Variants in SRBD1 observed in about 807,000 individuals in gnomAD.
The protein encoded by SRBD1 is S1 RNA binding domain 1, also known as S1 RNA-binding domain-containing protein 1.
Under a neutral mutation model 115.3 loss-of-function variants are expected in SRBD1, and 88 were observed. The observed-to-expected ratio is 0.76, with a 90% CI of 0.64 to 0.91. The LOEUF is 0.91. Among genes scored for constraint, SRBD1 ranks in the 40% least tolerant of loss-of-function variants. SRBD1 has a pLI of 0.00. For missense variants in SRBD1, 1,385 were observed against 1,177.4 expected, an observed-to-expected ratio of 1.18 and a Z score of -2.58; for synonymous variants, 509 against 407.7, an observed-to-expected ratio of 1.25 and a Z score of -2.99.
chr2:45,585,533 C>T (rs1041246854), intron 5 of SRBD1, 75 bp downstream of exon 5: 4 of 1,447,728 alleles, frequency 2.8e-6, no homozygotes, highest in East Asian at 2.3e-5. Flanking sequence ...TCAAATATAC[C>T]GTCATTCACT....
At chr2:45,584,142 CA>C (rs1673445685) in intron 5 of SRBD1, among the ~76,000 whole-genome samples, 1 of 152,138 alleles carries the variant, frequency 6.6e-6, no homozygotes, top group African/African-American at 2.4e-5. Flanking sequence ...TAGGTGTGGT[CA>C]AGAGTGGTTT....
rs143703340 is a variant in SRBD1 at position 45,405,075 on chromosome 2, T to A, written c.2513+8039A>T. Among the ~76,000 whole-genome samples the A allele has an allele frequency of 2.8e-3, 420 of 152,206 alleles. 1 individual carries two copies. The highest frequency in any genetic ancestry group is 4.8e-3 in the Non-Finnish European group (326 of 67,980). ...CCTTACCCACAATCCTGGCAATCCCTATTCCATTACTCTGCTCTTTCCCTG... is the reference window on the plus strand; with the variant it reads ...CCTTACCCACAATCCTGGCAATCCCAATTCCATTACTCTGCTCTTTCCCTG... On this transcript the variant is annotated intron_variant, in intron 19 of 20. Coordinates refer to ENST00000263736, the MANE Select transcript of SRBD1 (RefSeq NM_018079.5).
At chr2:45,421,343 T>C (rs1667993245) in intron 16 of SRBD1, among the ~76,000 whole-genome samples, 2 of 151,278 alleles carry the variant, frequency 1.3e-5, no homozygotes, top group Non-Finnish European at 2.9e-5. Context: ...CTGTCTCTAC[T>C]AAAAATACAA....
chr2:45,480,238 A>G (rs1384173741), intron 15 of SRBD1, among the ~76,000 whole-genome samples: 1 of 152,136 alleles, frequency 6.6e-6, no homozygotes, highest in Non-Finnish European at 1.5e-5. Flanking sequence ...TTTGACTTTC[A>G]AGTCTTATTT....
At position 45,599,485 on chromosome 2, in the gene SRBD1, A is replaced by G; in HGVS notation, c.612T>C (p.Thr204=). The change falls in exon 4 of 21, where the codon ACT becomes ACC. Residue 204 remains threonine, a synonymous_variant. Transcript: ENST00000263736. ...CCCAATTCATTTCCACCTCCTCTTT[A>G]GTACTATTGGCATTTGCTGGAAACT... The part of the protein sequence containing the change: ...PVKFPANANS[T]KEEVEMNWDM... The G allele has an allele frequency of 6.2e-7, 1 of 1,614,134 alleles. No individual in the cohort carries two copies. The highest frequency in any genetic ancestry group is 8.5e-7 in the Non-Finnish European group (1 of 1,180,004).
intron 14 of SRBD1, among the ~76,000 whole-genome samples, chr2:45,531,031 C>T (rs1389284254): frequency 6.6e-6 from 1 of 151,042 alleles, no homozygotes; most frequent in Non-Finnish European, 1.5e-5. Context: ...GCGTATACTG[C>T]TCCCTACACA....
chr2:45,392,163 C>T (rs1572584425), intron 20 of SRBD1, among the ~76,000 whole-genome samples: 1 of 152,242 alleles, frequency 6.6e-6, no homozygotes, highest in East Asian at 1.9e-4. Flanking sequence ...AGGAATAGTA[C>T]AATGAACTTG....
rs1305837952 is a variant in SRBD1 at position 45,605,485 on chromosome 2, T to C, written c.1-44A>G. 6 of 1,555,828 alleles carry C rather than the reference T, an allele frequency of 3.9e-6. No homozygotes were observed. The Middle Eastern group carries it at 6.7e-4, about 174-fold the overall frequency. ...AAAATCAGCAACACTTGAATATTCT[T>C]ATCACTTTATTTGGCTACAAGTAAT... On this transcript the variant is annotated intron_variant, in intron 1 of 20. Coordinates refer to ENST00000263736, the MANE Select transcript of SRBD1 (RefSeq NM_018079.5).
At chr2:45,611,028 G>C (rs962783739) in intron 1 of SRBD1, among the ~76,000 whole-genome samples, 191 bp downstream of exon 1, 1 of 152,232 alleles carries the variant, frequency 6.6e-6, no homozygotes, top group Non-Finnish European at 1.5e-5. Flanking sequence ...GTAGCTAGGA[G>C]GGGTTTTCGG....
chr2:45,408,424 C>T (rs1667499995), intron 19 of SRBD1, among the ~76,000 whole-genome samples: 1 of 152,180 alleles, frequency 6.6e-6, no homozygotes, highest in African/African-American at 2.4e-5. Flanking sequence ...AGGAGTTGGA[C>T]TGCAACAGAA....
chr2:45,593,677 TGAGA>T (rs1232446457), intron 4 of SRBD1, among the ~76,000 whole-genome samples: 1 of 152,214 alleles, frequency 6.6e-6, no homozygotes, highest in Admixed American at 6.5e-5. Flanking sequence ...TGAGTGAAAT[TGAGA>T]GAATTTTCTA....
chr2:45,606,719 T>C (rs1422030793), intron 1 of SRBD1, among the ~76,000 whole-genome samples: 1 of 152,132 alleles, frequency 6.6e-6, no homozygotes, highest in African/African-American at 2.4e-5. Context: ...GGAAAGTAAA[T>C]AAAATTACTT....
intron 4 of SRBD1, among the ~76,000 whole-genome samples, chr2:45,598,981 A>T (rs1273069394): frequency 6.6e-6 from 1 of 152,224 alleles, no homozygotes; most frequent in Non-Finnish European, 1.5e-5. Flanking sequence ...TAATTCTGGC[A>T]TCTCAAGTTG....
chr2:45,475,118 C>T (rs572740624), intron 16 of SRBD1, among the ~76,000 whole-genome samples: 2 of 152,224 alleles, frequency 1.3e-5, no homozygotes, highest in East Asian at 1.9e-4. Context: ...CTTAACATGT[C>T]TAAAACTGAA....
intron 19 of SRBD1, among the ~76,000 whole-genome samples, chr2:45,407,891 T>C (rs1013645767): frequency 2.6e-5 from 4 of 151,840 alleles, no homozygotes; most frequent in Non-Finnish European, 5.9e-5. Context: ...ATATAAATAA[T>C]AAATATAAAC....
At chr2:45,414,872 A>AC (rs780119573) in intron 18 of SRBD1, among the ~76,000 whole-genome samples, 1,464 of 45,000 alleles carry the variant, frequency 0.033, 22 homozygotes, top group African/African-American at 0.056. Flanking sequence ...ATGTACACAC[A>AC]ATATAGTGTG....
intron 4 of SRBD1, among the ~76,000 whole-genome samples, chr2:45,598,826 G>T (rs1485508539): frequency 6.6e-6 from 1 of 151,988 alleles, no homozygotes; most frequent in Admixed American, 6.6e-5. Context: ...ACCCTGAGAG[G>T]CACTACCATA....
intron 14 of SRBD1, among the ~76,000 whole-genome samples, chr2:45,537,299 G>C (rs1375131641): frequency 6.6e-6 from 1 of 152,140 alleles, no homozygotes; most frequent in Non-Finnish European, 1.5e-5. Context: ...TGTACTTCTT[G>C]TCACTATCGC....
intron 14 of SRBD1, among the ~76,000 whole-genome samples, chr2:45,540,405 A>G (rs918222395): frequency 2.5e-4 from 38 of 152,250 alleles, no homozygotes; most frequent in African/African-American, 9.1e-4. Flanking sequence ...TACAGACTTA[A>G]TGAGTTAAAA....
Sources: allele counts gnomAD v4.1 joint callset (sites outside exome capture counted in the v4.1 genomes callset), GRCh38; gene constraint gnomAD v4.1.1; transcripts MANE v1.5; gene names NCBI Gene and HGNC (gene_info 2026-07-23, HGNC 2026-07-21).